The following CADPS variants were observed in gnomAD, a reference collection of about 807,000 sequenced individuals.
CADPS encodes calcium-dependent secretion activator 1.
CADPS carries 57 observed loss-of-function variants against 167.3 expected under a neutral mutation model. That is an observed-to-expected ratio of 0.34 (90% confidence interval 0.28 to 0.42). CADPS has a LOEUF of 0.42. Among genes scored for constraint, CADPS ranks in the 20% least tolerant of loss-of-function variants. The pLI is 1.00. For synonymous variants in CADPS, 676 were observed against 635.3 expected (o/e 1.06, Z -0.96); for missense variants, 1,414 against 1,738.1 (o/e 0.81, Z 3.32).
intron 1 of CADPS, among the ~76,000 whole-genome samples, chr3:62,845,956 T>C (rs769808521): frequency 1.1e-4 from 16 of 151,782 alleles, no homozygotes; most frequent in Non-Finnish European, 2.1e-4. Context: ...TAGTGGGAGG[T>C]GATTGGTTTA....
intron 1 of CADPS, among the ~76,000 whole-genome samples, chr3:62,807,916 C>G (rs1409565163): frequency 6.6e-6 from 1 of 151,898 alleles, no homozygotes; most frequent in Non-Finnish European, 1.5e-5. Flanking sequence ...CACTGTTGCC[C>G]AGGTTGGAGT....
intron 8 of CADPS, among the ~76,000 whole-genome samples, chr3:62,581,986 T>C (rs2083518559): frequency 6.6e-6 from 1 of 152,288 alleles, no homozygotes; most frequent in South Asian, 2.1e-4. Context: ...ATTTTTCCCA[T>C]TGACACATTT....
intron 4 of CADPS, among the ~76,000 whole-genome samples, chr3:62,656,736 T>C (rs763244192): frequency 1.1e-4 from 17 of 152,154 alleles, no homozygotes; most frequent in Non-Finnish European, 2.4e-4. Context: ...GAGGTCTTGG[T>C]ATTAATTTGT....
intron 1 of CADPS, among the ~76,000 whole-genome samples, chr3:62,868,134 T>C (rs561817945): frequency 6.6e-6 from 1 of 152,196 alleles, no homozygotes; most frequent in South Asian, 2.1e-4. Context: ...GTAATAATTT[T>C]GATCATCGGC....
chr3:62,576,683 C>T (rs748690469), intron 8 of CADPS, among the ~76,000 whole-genome samples: 1 of 142,630 alleles, frequency 7.0e-6, no homozygotes, highest in South Asian at 2.3e-4. Context: ...CCCAGCTACT[C>T]GGGAGGCTGA....
At chr3:62,416,909 A>C (rs1575710330) in intron 28 of CADPS, among the ~76,000 whole-genome samples, 1 of 151,492 alleles carries the variant, frequency 6.6e-6, no homozygotes, top group South Asian at 2.1e-4. Context: ...CTCTGTCATC[A>C]CCCAGGCTGC....
In CADPS at chr3:62,420,950, G is replaced by A. The variant is rs958816487; in HGVS notation, c.3777+17154C>T. Reference sequence around the variant, plus strand: ...AGATCACTTACCCAAACCTTACCCTGGGGAGCCAGCCATCTCATTTCTGTA... The same window carrying A: ...AGATCACTTACCCAAACCTTACCCTAGGGAGCCAGCCATCTCATTTCTGTA... On this transcript the variant is annotated intron_variant, in intron 28 of 29. Coordinates refer to ENST00000383710, the MANE Select transcript of CADPS (RefSeq NM_003716.4). The surrounding 1 kb of genome is among the most constrained non-coding windows in gnomAD (Gnocchi z 4.1). 6.6e-6 allele frequency among the ~76,000 whole-genome samples: 1 copy of A among 150,834 alleles called. No homozygotes were observed. Among genetic ancestry groups the A allele is most frequent in the African/African-American group, 2.4e-5 (1 of 40,860 alleles).
At chr3:62,834,870 G>A (rs2153006991) in intron 1 of CADPS, among the ~76,000 whole-genome samples, 1 of 152,268 alleles carries the variant, frequency 6.6e-6, no homozygotes, top group South Asian at 2.1e-4. Context: ...GCAAGAAACT[G>A]TAATGTTCTC....
At chr3:62,442,200 G>A (rs1465511203) in intron 27 of CADPS, among the ~76,000 whole-genome samples, 5 of 148,384 alleles carry the variant, frequency 3.4e-5, no homozygotes, top group Non-Finnish European at 5.9e-5. Context: ...TTAGTGGTAT[G>A]CTGGTAAACT....
intron 1 of CADPS, among the ~76,000 whole-genome samples, chr3:62,840,377 T>G (rs1274510941): frequency 6.6e-6 from 1 of 152,210 alleles, no homozygotes; most frequent in Non-Finnish European, 1.5e-5. Flanking sequence ...AACAATGATT[T>G]ACACAATGTT....
intron 9 of CADPS, 87 bp from the exon 10 acceptor site, chr3:62,557,600 C>G (rs2078387017): frequency 1.9e-6 from 2 of 1,028,634 alleles, no homozygotes; most frequent in Non-Finnish European, 1.5e-6. Context: ...CTCTGAGGAT[C>G]TGGACTGAGT....
chr3:62,603,780 C>T lies in CADPS; in HGVS notation c.1326-11032G>A, dbSNP rs771176220. Among the ~76,000 whole-genome samples, 57 of 151,996 alleles carry T rather than the reference C, an allele frequency of 3.8e-4. 1 individual carries two copies. The highest frequency in any genetic ancestry group is 1.2e-3 in the Admixed American group (19 of 15,264). ...TTATACATTCTTGGTCTGATAATTC[C>T]AACATCTCTGCCGTATCTGAATCTG... is the stretch of plus-strand genomic sequence containing the variant. On this transcript the variant is annotated intron_variant, in intron 6 of 29. Coordinates refer to ENST00000383710, the MANE Select transcript of CADPS (RefSeq NM_003716.4).
At chr3:62,793,110 G>A (rs1278634132) in intron 1 of CADPS, among the ~76,000 whole-genome samples, 1 of 152,134 alleles carries the variant, frequency 6.6e-6, no homozygotes, top group Non-Finnish European at 1.5e-5. Context: ...AGAAGTGTTT[G>A]GAAGTACTTT....
intron 13 of CADPS, among the ~76,000 whole-genome samples, chr3:62,529,995 C>T (rs2073281500): frequency 6.6e-6 from 1 of 152,022 alleles, no homozygotes; most frequent in Non-Finnish European, 1.5e-5. Flanking sequence ...AAAAAGTTCA[C>T]CAATTCGCCA....
rs377223872 is a variant in CADPS at position 62,701,759 on chromosome 3, G to GA, written c.889-39366dup. On this transcript the variant is annotated intron_variant, in intron 3 of 29. Transcript: ENST00000383710. ...GAAAGATGCCTTGTAGAATGACTATGAACCAGGTAGAGCCTTCTATTCCCT... is the reference window on the plus strand; with the variant it reads ...GAAAGATGCCTTGTAGAATGACTATGAAACCAGGTAGAGCCTTCTATTCCCT... Among the ~76,000 whole-genome samples, 54 of 152,180 alleles carry GA rather than the reference G, an allele frequency of 3.5e-4. 1 individual carries two copies. Among genetic ancestry groups the GA allele is most frequent in the African/African-American group, 1.2e-3 (49 of 41,490 alleles).
At position 62,416,869 on chromosome 3, in the gene CADPS, C is replaced by CTT. The variant is rs34433413; in HGVS notation, c.3778-13686_3778-13685dup. ...AGGAATTAAAGGTGACATTAATATA[C>CTT]TTTTTTTTTTTTTCTGAGACAGGGT... On this transcript the variant is annotated intron_variant, in intron 28 of 29. Transcript: ENST00000383710. Among the ~76,000 whole-genome samples, 55 of 147,816 alleles carry CTT rather than the reference C, an allele frequency of 3.7e-4. No homozygotes were observed. The South Asian group carries it at 5.0e-3, about 13-fold the overall frequency.
intron 26 of CADPS, among the ~76,000 whole-genome samples, chr3:62,456,793 T>C (rs1158466727): frequency 6.6e-6 from 1 of 150,786 alleles, no homozygotes; most frequent in East Asian, 1.9e-4. Flanking sequence ...AATATAATAA[T>C]ATACTGAAAT....
intron 28 of CADPS, among the ~76,000 whole-genome samples, chr3:62,415,703 A>G (rs1448165888): frequency 6.6e-6 from 1 of 152,146 alleles, no homozygotes; most frequent in Non-Finnish European, 1.5e-5. Context: ...AACAAGTGCC[A>G]TACAACAGAT....
At chr3:62,686,406 C>T (rs937878999) in intron 3 of CADPS, among the ~76,000 whole-genome samples, 2 of 151,978 alleles carry the variant, frequency 1.3e-5, no homozygotes, top group Non-Finnish European at 2.9e-5. Flanking sequence ...GACAGAAAGG[C>T]GTCTTTGGCC....
Sources: allele counts gnomAD v4.1 joint callset (sites outside exome capture counted in the v4.1 genomes callset), GRCh38; gene constraint gnomAD v4.1.1; non-coding constraint Gnocchi (gnomAD v3.1); transcripts MANE v1.5; gene names NCBI Gene and HGNC (gene_info 2026-07-23, HGNC 2026-07-21).